The following REV1 variants were observed in gnomAD, a reference collection of about 807,000 sequenced individuals.
REV1 encodes the protein REV1 DNA directed polymerase.
A neutral mutation model predicts 137.4 loss-of-function variants in REV1; 42 were observed. The observed-to-expected ratio is 0.31, with a 90% CI of 0.24 to 0.40. The LOEUF is 0.40. Among genes scored for constraint, REV1 ranks in the 10% least tolerant of loss-of-function variants. The pLI is 1.00. For missense variants in REV1, 1,282 were observed against 1,490.1 expected, an observed-to-expected ratio of 0.86 and a Z score of 2.30; for synonymous variants, 524 against 519.2, an observed-to-expected ratio of 1.01 and a Z score of -0.12.
Position 99,400,980 on chromosome 2 carries a change from A to ACACTT in REV1, c.*256_*260dup, listed in dbSNP as rs773764735. 7 of 258,992 alleles carry ACACTT rather than the reference A, an allele frequency of 2.7e-5. No homozygotes were observed. Among genetic ancestry groups the ACACTT allele is most frequent in the Non-Finnish European group, 5.3e-5 (7 of 133,180 alleles). 16.0% of individuals were successfully genotyped at this position (258,992 alleles called of 1,614,324 possible). On this transcript the variant is annotated 3_prime_UTR_variant, in exon 23 of 23. Transcript: ENST00000258428. Reference sequence around the variant, plus strand: ...ACAGTTCTTTATTAAACAACTGTAAACACTTCACTGTAAAAATCCATAAAA... The same window carrying ACACTT: ...ACAGTTCTTTATTAAACAACTGTAAACACTTCACTTCACTGTAAAAATCCATAAAA...
At chr2:99,467,049 C>A (rs140781015) in intron 1 of REV1, among the ~76,000 whole-genome samples, 64 of 152,184 alleles carry the variant, frequency 4.2e-4, no homozygotes, top group African/African-American at 1.4e-3. Context: ...AAAACACATA[C>A]CCCGATAATT....
In REV1 at chr2:99,464,935, C is replaced by A. The variant is rs983461619; in HGVS notation, c.41G>T (p.Gly14Val). The part of the protein sequence containing the change: ...GGWRKRAEND[G>V]WETWGGYMAA... ...TTTAAAACACACCCATGTTTCCCAG[C>A]CATCATTTTCAGCTCGCTTCCTCCA... The change falls in exon 2 of 23, where the codon GGC (glycine) becomes GTC (valine). Residue 14 changes from glycine to valine, a missense_variant. Gly to Val is a moderately radical substitution (Grantham distance 109). This residue lies in a region of REV1 where 107 missense variants were observed against 164.3 expected (regional missense o/e 0.65). Coordinates refer to ENST00000258428, the MANE Select transcript of REV1 (RefSeq NM_016316.4). 6.2e-7 allele frequency: 1 copy of A among 1,613,436 alleles called. No homozygotes were observed. The highest frequency in any genetic ancestry group is 1.3e-5 in the African/African-American group (1 of 75,006).
At chr2:99,454,550 CAAAAAAAAAAA>C (rs373850478) in intron 3 of REV1, among the ~76,000 whole-genome samples, 21 of 82,330 alleles carry the variant, frequency 2.6e-4, no homozygotes, top group Non-Finnish European at 3.6e-4. Flanking sequence ...AACTCCAGCT[CAAAAAAAAAAA>C]AAAAAAAAAA....
chr2:99,410,987 T>C, intron 13 of REV1, 120 bp from the exon 14 acceptor site: 1 of 959,816 alleles, frequency 1.0e-6, no homozygotes, highest in African/African-American at 1.7e-5. Flanking sequence ...ACGCTCAGCA[T>C]CTATTAAAAA....
intron 8 of REV1, 107 bp from the exon 9 acceptor site, chr2:99,430,055 T>A: frequency 4.9e-6 from 3 of 606,484 alleles, no homozygotes; most frequent in Non-Finnish European, 5.4e-6. Flanking sequence ...GTTCAGTAAA[T>A]TCCAAATACA....
chr2:99,404,113 A>G (rs1056320587), intron 18 of REV1, among the ~76,000 whole-genome samples: 2 of 152,206 alleles, frequency 1.3e-5, no homozygotes, highest in African/African-American at 4.8e-5. Flanking sequence ...ACAGGGACTC[A>G]GGTTGTTACT....
intron 1 of REV1, among the ~76,000 whole-genome samples, chr2:99,487,251 G>GGATTCCTGGAAT (rs377674533): frequency 8.0e-6 from 1 of 125,278 alleles, no homozygotes; most frequent in African/African-American, 2.8e-5. Context: ...GCCAAATCAT[G>GGATTCCTGGAAT]CTATGCCCTG....
chr2:99,475,632 A>G (rs1048909859), intron 1 of REV1, among the ~76,000 whole-genome samples: 11 of 152,132 alleles, frequency 7.2e-5, no homozygotes, highest in Middle Eastern at 3.2e-3. Flanking sequence ...GATTGCAGTG[A>G]GCCGAGATTG....
chr2:99,486,108 G>A (rs1055643455), intron 1 of REV1, among the ~76,000 whole-genome samples: 10 of 152,198 alleles, frequency 6.6e-5, no homozygotes, highest in African/African-American at 2.4e-4. Context: ...TTGGGCAACA[G>A]AGCAAGACCC....
At chr2:99,455,577 ATGG>A (rs1356573838) in intron 3 of REV1, among the ~76,000 whole-genome samples, 4 of 152,212 alleles carry the variant, frequency 2.6e-5, no homozygotes, top group African/African-American at 9.7e-5. Flanking sequence ...ATAAATTAAT[ATGG>A]TAAGTCTTCT....
rs188161558 is a variant in REV1, at chr2:99,464,424, C to T, written c.54+498G>A. Among the ~76,000 whole-genome samples, 7 of 152,216 alleles carry T rather than the reference C, an allele frequency of 4.6e-5. No homozygotes were observed. In the East Asian group the frequency reaches 1.3e-3, roughly 29 times the overall value. ...ACTGGTATAATCCTATTCATTAAAA[C>T]TTTGGGGTGTTGTTTTCAAAGCTTA... On this transcript the variant is annotated intron_variant, in intron 2 of 22. Transcript: ENST00000258428.
intron 6 of REV1, among the ~76,000 whole-genome samples, chr2:99,436,483 T>A (rs913590291): frequency 3.3e-5 from 5 of 152,228 alleles, no homozygotes; most frequent in African/African-American, 1.2e-4. Context: ...TCAAGCAGTC[T>A]GATTTCAGAG....
rs1679074886 is a variant in REV1, at chr2:99,424,435, C to T, written c.1548-155G>A. On this transcript the variant is annotated intron_variant, in intron 9 of 22. Coordinates refer to ENST00000258428, the MANE Select transcript of REV1 (RefSeq NM_016316.4). Reference sequence around the variant, plus strand: ...TAAAGATAGGCATTAAAATTTACAGCCTTGTTTTCCCCCAAAAGTCACAAC... The same window carrying T: ...TAAAGATAGGCATTAAAATTTACAGTCTTGTTTTCCCCCAAAAGTCACAAC... 19 of 782,686 alleles carry T rather than the reference C, an allele frequency of 2.4e-5. No individual in the cohort carries two copies. In the South Asian group the frequency reaches 3.6e-4, roughly 15 times the overall value. The allele number at this position is 782,686 out of a possible 1,614,324, so 48.5% of individuals were successfully genotyped here. A position where few individuals can be genotyped will look rare whatever the true frequency, so the allele number is the denominator to read the frequency against.
intron 2 of REV1, among the ~76,000 whole-genome samples, chr2:99,463,669 G>A (rs1684493601): frequency 6.6e-6 from 1 of 152,090 alleles, no homozygotes. Context: ...TTGTCGCCCA[G>A]GCTGGAGTGC....
chr2:99,425,329 A>ATT (rs770879863), intron 9 of REV1, among the ~76,000 whole-genome samples: 36 of 152,326 alleles, frequency 2.4e-4, no homozygotes, highest in Non-Finnish European at 3.2e-4. Context: ...TTATAAAAAT[A>ATT]GTAATATTAT....
At chr2:99,486,398 A>G (rs1421672114) in intron 1 of REV1, among the ~76,000 whole-genome samples, 2 of 151,962 alleles carry the variant, frequency 1.3e-5, no homozygotes, top group Non-Finnish European at 2.9e-5. Context: ...GCGTGGTGGC[A>G]GGTGCCTGCA....
chr2:99,442,734 A>G (rs1167285481), intron 4 of REV1, among the ~76,000 whole-genome samples: 1 of 152,194 alleles, frequency 6.6e-6, no homozygotes, highest in African/African-American at 2.4e-5. Context: ...TTAACAGAGA[A>G]TCATCAAGAC....
At chr2:99,452,283 C>G (rs1458863451) in intron 3 of REV1, among the ~76,000 whole-genome samples, 5 of 151,710 alleles carry the variant, frequency 3.3e-5, no homozygotes, top group Non-Finnish European at 7.4e-5. Context: ...AAAAATTAAC[C>G]AGGTGTGGTG....
chr2:99,423,955 A>G (rs922167210), intron 10 of REV1, among the ~76,000 whole-genome samples, 197 bp downstream of exon 10: 11 of 152,226 alleles, frequency 7.2e-5, no homozygotes, highest in African/African-American at 2.7e-4. Context: ...TTGGCAATAC[A>G]AAACTATCCT....
Sources: allele counts gnomAD v4.1 joint callset (sites outside exome capture counted in the v4.1 genomes callset), GRCh38; gene constraint gnomAD v4.1.1; regional missense constraint gnomAD v4.1.1; transcripts MANE v1.5; gene names NCBI Gene and HGNC (gene_info 2026-07-23, HGNC 2026-07-21).